The following GFRA1 variants were observed in gnomAD, a reference collection of about 807,000 sequenced individuals.
GFRA1 encodes the protein GDNF family receptor alpha-1.
Under a neutral mutation model 51.6 loss-of-function variants are expected in GFRA1, and 16 were observed. The observed-to-expected ratio is 0.31, with a 90% CI of 0.21 to 0.47. GFRA1 has a LOEUF of 0.47. GFRA1 is among the 20% of genes least tolerant of loss of function. The probability of loss-of-function intolerance (pLI) is 1.00; values close to 1 mark genes in which losing one functional copy is unlikely to be tolerated. For synonymous variants in GFRA1, 270 were observed against 241.3 expected (o/e 1.12, Z -1.10); for missense variants, 530 against 594.3 (o/e 0.89, Z 1.13).
At chr10:116,176,143 T>C (rs1271069499) in intron 5 of GFRA1, among the ~76,000 whole-genome samples, 1 of 152,098 alleles carries the variant, frequency 6.6e-6, no homozygotes, top group Non-Finnish European at 1.5e-5. Context: ...AAATGTCACA[T>C]GTTTGTGAAA....
chr10:116,125,149 C>T (rs1471937267), intron 6 of GFRA1, 72 bp downstream of exon 6: 4 of 1,327,816 alleles, frequency 3.0e-6, no homozygotes, highest in African/African-American at 2.9e-5. Context: ...GAAAAGGGAG[C>T]TTGGCAGCCG....
At position 116,264,464 on chromosome 10, in the gene GFRA1, G is replaced by A. The variant is rs188351223; in HGVS notation, c.418+5039C>T. ...CACCTGGCATAACAAGCAAGTCTCCGACTTTCCAGTGGGAAAAACAGACAC... is the reference window on the plus strand; with the variant it reads ...CACCTGGCATAACAAGCAAGTCTCCAACTTTCCAGTGGGAAAAACAGACAC... On this transcript the variant is annotated intron_variant, in intron 4 of 10. Coordinates refer to ENST00000355422, the MANE Select transcript of GFRA1 (RefSeq NM_005264.8). Among the ~76,000 whole-genome samples the A allele has an allele frequency of 3.3e-5, 5 of 152,302 alleles. No homozygotes were observed. In the East Asian group the frequency reaches 5.8e-4, roughly 18 times the overall value.
At chr10:116,178,456 G>A (rs1436590940) in intron 5 of GFRA1, among the ~76,000 whole-genome samples, 2 of 152,226 alleles carry the variant, frequency 1.3e-5, no homozygotes, top group Admixed American at 1.3e-4. Context: ...TTTTCTGTGT[G>A]TTACAAAGTA....
rs1310743380 is a variant in GFRA1 at position 116,194,057 on chromosome 10, AATAAAATTT to A, written c.433+17565_433+17573del. Reference sequence around the variant, plus strand: ...CCGTCTCAATAAAAAAAAATAAATAAATAAAATTTAAAAAAAAAAAAAAAAGGTGGCTCA... The same window carrying A: ...CCGTCTCAATAAAAAAAAATAAATAAAAAAAAAAAAAAAAAAGGTGGCTCA... On this transcript the variant is annotated intron_variant, in intron 5 of 10. Coordinates refer to ENST00000355422, the MANE Select transcript of GFRA1 (RefSeq NM_005264.8). 4.2e-3 allele frequency among the ~76,000 whole-genome samples: 219 copies of A among 52,684 alleles called. 7 individuals are homozygous for A. Among genetic ancestry groups the A allele is most frequent in the African/African-American group, 0.014 (209 of 14,878 alleles). The allele number at this position is 52,684 out of a possible 152,430, so 34.6% of individuals were successfully genotyped here.
rs1173714478 is a variant in GFRA1 at position 116,077,446 on chromosome 10, G to A, written c.1198-11820C>T. 2.6e-5 allele frequency among the ~76,000 whole-genome samples: 4 copies of A among 152,142 alleles called. No individual in the cohort carries two copies. The East Asian group carries it at 7.7e-4, about 29-fold the overall frequency. On this transcript the variant is annotated intron_variant, in intron 9 of 10. Coordinates refer to ENST00000355422, the MANE Select transcript of GFRA1 (RefSeq NM_005264.8). ...TTCTAAGTCATTAAATTGGTTTTTA[G>A]GAACTTTACACTCTCCTTCATTTGA...
chr10:116,215,199 C>G (rs953696505), intron 4 of GFRA1, among the ~76,000 whole-genome samples: 41 of 152,050 alleles, frequency 2.7e-4, no homozygotes, highest in Admixed American at 9.2e-4. Flanking sequence ...CAGAATGAAA[C>G]AGCGATCATA....
At chr10:116,175,089 C>T (rs1221263860) in intron 5 of GFRA1, among the ~76,000 whole-genome samples, 1 of 152,158 alleles carries the variant, frequency 6.6e-6, no homozygotes, top group Non-Finnish European at 1.5e-5. Context: ...TTCTTTCTTC[C>T]GCAACCTGTT....
At chr10:116,263,271 G>C (rs574374071) in intron 4 of GFRA1, among the ~76,000 whole-genome samples, 7 of 152,312 alleles carry the variant, frequency 4.6e-5, no homozygotes, top group African/African-American at 1.4e-4. Context: ...TCTTGAGTCA[G>C]GAGCAAGCCA....
At chr10:116,240,330 T>A (rs1420321125) in intron 4 of GFRA1, among the ~76,000 whole-genome samples, 1 of 152,110 alleles carries the variant, frequency 6.6e-6, no homozygotes, top group East Asian at 1.9e-4. Flanking sequence ...AACTTCATCC[T>A]AGCTTCACCC....
chr10:116,215,265 G>A (rs1469058586), intron 4 of GFRA1, among the ~76,000 whole-genome samples: 2 of 152,140 alleles, frequency 1.3e-5, no homozygotes, highest in African/African-American at 2.4e-5. Context: ...AGAAGAAGGC[G>A]GTTTCTGTTC....
intron 5 of GFRA1, among the ~76,000 whole-genome samples, chr10:116,167,517 T>C (rs924499665): frequency 7.2e-5 from 11 of 152,290 alleles, no homozygotes; most frequent in African/African-American, 2.6e-4. Context: ...ATGCCTGGCA[T>C]GTAATGTCTG....
intron 9 of GFRA1, among the ~76,000 whole-genome samples, chr10:116,083,665 C>T (rs1337298638): frequency 6.6e-6 from 1 of 152,080 alleles, no homozygotes; most frequent in Non-Finnish European, 1.5e-5. Context: ...ATTTGGTAGG[C>T]TTGGATAATT....
At chr10:116,215,203 G>A (rs553945497) in intron 4 of GFRA1, among the ~76,000 whole-genome samples, 5 of 152,238 alleles carry the variant, frequency 3.3e-5, no homozygotes, top group African/African-American at 9.6e-5. Context: ...ATGAAACAGC[G>A]ATCATAGCTC....
intron 4 of GFRA1, among the ~76,000 whole-genome samples, chr10:116,268,129 A>G (rs369328917): frequency 1.3e-5 from 2 of 152,224 alleles, no homozygotes; most frequent in East Asian, 3.9e-4. Context: ...TTCCCTGGCA[A>G]TGTCAATGAT....
chr10:116,113,427 C>T (rs1325253298), intron 6 of GFRA1, among the ~76,000 whole-genome samples: 1 of 152,062 alleles, frequency 6.6e-6, no homozygotes, highest in African/African-American at 2.4e-5. Flanking sequence ...GTTTGAAACC[C>T]GCGGTTTTAA....
At chr10:116,175,897 G>A (rs1186584385) in intron 5 of GFRA1, among the ~76,000 whole-genome samples, 1 of 152,084 alleles carries the variant, frequency 6.6e-6, no homozygotes, top group Non-Finnish European at 1.5e-5. Flanking sequence ...CGAAAAGCAG[G>A]CCCACATGTG....
chr10:116,261,353 A>G (rs1969288491), intron 4 of GFRA1, among the ~76,000 whole-genome samples: 1 of 152,228 alleles, frequency 6.6e-6, no homozygotes, highest in Admixed American at 6.5e-5. Context: ...AACGACCTCC[A>G]AACATCCTAC....
intron 4 of GFRA1, among the ~76,000 whole-genome samples, chr10:116,219,012 TA>T (rs913477050): frequency 6.3e-4 from 92 of 145,624 alleles, no homozygotes; most frequent in Admixed American, 4.6e-3. Flanking sequence ...AAGAAAAAAA[TA>T]AAAAAAAAAG....
In GFRA1 at chr10:116,058,035, T is replaced by TACA. The variant is rs1565539669; in HGVS notation, c.*6362_*6363insTGT. 2.7e-5 allele frequency: 3 copies of TACA among 110,976 alleles called. No homozygotes were observed. The highest frequency in any genetic ancestry group is 1.3e-4 in the African/African-American group (3 of 23,180). The allele number at this position is 110,976 out of a possible 1,614,324, so 6.9% of individuals were successfully genotyped here. ...GTGTGTGTGTGTGTGTGTGTGTGTG[T>TACA]GTGTGTGACAGAGAGAACCACGCTT... On this transcript the variant is annotated 3_prime_UTR_variant, in exon 11 of 11. Coordinates refer to ENST00000355422, the MANE Select transcript of GFRA1 (RefSeq NM_005264.8).
Sources: allele counts gnomAD v4.1 joint callset (sites outside exome capture counted in the v4.1 genomes callset), GRCh38; gene constraint gnomAD v4.1.1; transcripts MANE v1.5; gene names NCBI Gene and HGNC (gene_info 2026-07-23, HGNC 2026-07-21).